Variants in USP32 observed in about 807,000 individuals in gnomAD.
USP32 encodes the protein ubiquitin specific peptidase 32.
In USP32, 59 loss-of-function variants were observed where a neutral mutation model predicts 204.8. The ratio of observed to expected loss-of-function variants is 0.29; its 90% CI spans 0.23 to 0.36. The LOEUF is 0.36. Ranked by LOEUF, USP32 falls within the 10% of genes least tolerant of loss-of-function variation. The probability of loss-of-function intolerance (pLI) is 1.00; values close to 1 mark genes in which losing one functional copy is unlikely to be tolerated. For synonymous variants in USP32, 517 were observed against 678.4 expected, an observed-to-expected ratio of 0.76 and a Z score of 3.70; for missense variants, 1,160 against 1,946.4, an observed-to-expected ratio of 0.60 and a Z score of 7.60.
At chr17:60,234,262 T>C (rs1344207747) in intron 12 of USP32, among the ~76,000 whole-genome samples, 6 of 151,530 alleles carry the variant, frequency 4.0e-5, no homozygotes, top group Non-Finnish European at 2.9e-5. Context: ...CATAGGCGCC[T>C]GCCACCATGC....
chr17:60,359,991 C>G (rs957347679), intron 1 of USP32, among the ~76,000 whole-genome samples: 77 of 152,056 alleles, frequency 5.1e-4, no homozygotes, highest in South Asian at 4.2e-4. Context: ...CCTCAGCCCC[C>G]CGAGTAGCTG....
intron 1 of USP32, among the ~76,000 whole-genome samples, chr17:60,370,639 C>CA (rs1298366818): frequency 6.6e-6 from 1 of 151,590 alleles, no homozygotes; most frequent in Non-Finnish European, 1.5e-5. Context: ...TGGTGGTGCC[C>CA]ACCCAACCAC....
intron 5 of USP32, among the ~76,000 whole-genome samples, chr17:60,274,856 T>C (rs1430565825): frequency 3.9e-5 from 6 of 152,214 alleles, no homozygotes; most frequent in African/African-American, 1.4e-4. Flanking sequence ...TACTTCCCCA[T>C]GATCCTGCAT....
intron 4 of USP32, 44 bp from the exon 5 acceptor site, chr17:60,288,726 G>A: frequency 3.2e-6 from 5 of 1,549,864 alleles, no homozygotes; most frequent in Non-Finnish European, 4.4e-6. Context: ...AAATTTTAAG[G>A]TATCTTACTT....
intron 26 of USP32, among the ~76,000 whole-genome samples, chr17:60,198,895 C>T (rs940016616): frequency 6.6e-6 from 1 of 152,188 alleles, no homozygotes; most frequent in Non-Finnish European, 1.5e-5. Flanking sequence ...AAGAGGATCC[C>T]TTGAGCCCAG....
chr17:60,291,759 A>G (rs1419112546), intron 4 of USP32, among the ~76,000 whole-genome samples: 1 of 152,158 alleles, frequency 6.6e-6, no homozygotes, highest in Admixed American at 6.6e-5. Context: ...TTTTATACCA[A>G]CTAGAGGTAT....
At chr17:60,402,911 G>A (rs1000188343) in intron 1 of USP32, among the ~76,000 whole-genome samples, 8 of 152,146 alleles carry the variant, frequency 5.3e-5, no homozygotes, top group African/African-American at 1.9e-4. Context: ...ACAGCCCACT[G>A]TGCTTCCTCT....
intron 2 of USP32, among the ~76,000 whole-genome samples, chr17:60,306,928 T>C (rs1427867253): frequency 1.3e-5 from 2 of 151,938 alleles, no homozygotes; most frequent in African/African-American, 4.8e-5. Context: ...GTAATCCAAG[T>C]TAAAATAGCT....
intron 11 of USP32, among the ~76,000 whole-genome samples, chr17:60,247,996 TG>T (rs1387803382): frequency 1.3e-5 from 2 of 152,342 alleles, no homozygotes; most frequent in East Asian, 3.9e-4. Flanking sequence ...GATTTATTTC[TG>T]GGTTCTCTGT....
chr17:60,211,275 T>C, intron 20 of USP32, 101 bp downstream of exon 20: 1 of 1,523,342 alleles, frequency 6.6e-7, no homozygotes, highest in Non-Finnish European at 8.8e-7. Context: ...GCAAATAAGA[T>C]AAAATCTTTC....
At chr17:60,193,949 T>C (rs16944169) in intron 27 of USP32, among the ~76,000 whole-genome samples, 6,042 of 152,292 alleles carry the variant, frequency 0.04, 442 homozygotes, top group African/African-American at 0.14. Context: ...CATAGAAAGC[T>C]GTGCAGCACT....
intron 9 of USP32, among the ~76,000 whole-genome samples, chr17:60,255,531 C>G (rs760802270): frequency 6.6e-6 from 1 of 152,144 alleles, no homozygotes. Flanking sequence ...AACTCCTGAC[C>G]TCGTGATCCA....
At chr17:60,279,159 T>C (rs1341640208) in intron 5 of USP32, among the ~76,000 whole-genome samples, 1 of 152,176 alleles carries the variant, frequency 6.6e-6, no homozygotes, top group African/African-American at 2.4e-5. Flanking sequence ...ACATCATATC[T>C]GTCCTCCTGT....
chr17:60,392,976 A>G (rs777088913), upstream of USP32, among the ~76,000 whole-genome samples: 1 of 152,124 alleles, frequency 6.6e-6, no homozygotes, highest in Non-Finnish European at 1.5e-5. Context: ...AAATATACGT[A>G]ACAAAATGTA....
intron 11 of USP32, among the ~76,000 whole-genome samples, chr17:60,236,906 T>C (rs1403962281): frequency 1.3e-5 from 2 of 152,250 alleles, no homozygotes; most frequent in Non-Finnish European, 2.9e-5. Context: ...CATCTATTAT[T>C]GTGGCAGACA....
In USP32 at chr17:60,328,893, A is replaced by G. The variant is rs1158152175; in HGVS notation, c.186+16588T>C. Among the ~76,000 whole-genome samples, 3 of 152,258 alleles carry G rather than the reference A, an allele frequency of 2.0e-5. No homozygotes were observed. The East Asian group carries it at 5.8e-4, about 29-fold the overall frequency. On this transcript the variant is annotated intron_variant, in intron 2 of 33. Coordinates refer to ENST00000300896, the MANE Select transcript of USP32 (RefSeq NM_032582.4). ...GCAGCAGCCAGTGTGTCTTGACTGCACACTGGCTGTACCCCACTCTAGCTC... is the reference window on the plus strand; with the variant it reads ...GCAGCAGCCAGTGTGTCTTGACTGCGCACTGGCTGTACCCCACTCTAGCTC...
chr17:60,372,845 T>TAAAAAAAAAAA (rs746725190), intron 1 of USP32, among the ~76,000 whole-genome samples: 1 of 88,386 alleles, frequency 1.1e-5, no homozygotes. Flanking sequence ...AGACCCTGTC[T>TAAAAAAAAAAA]AAAAAAAAAA....
intron 2 of USP32, among the ~76,000 whole-genome samples, chr17:60,318,222 T>G (rs764970121): frequency 3.6e-4 from 55 of 152,208 alleles, no homozygotes; most frequent in Non-Finnish European, 4.0e-4. Context: ...CTATTTAAAC[T>G]GCAGTTTCCT....
At chr17:60,199,707 T>C (rs1187867929) in intron 26 of USP32, among the ~76,000 whole-genome samples, 1 of 152,232 alleles carries the variant, frequency 6.6e-6, no homozygotes, top group Non-Finnish European at 1.5e-5. Context: ...CTCTATTTCA[T>C]ATGTTACTAT....
Sources: allele counts gnomAD v4.1 joint callset (sites outside exome capture counted in the v4.1 genomes callset), GRCh38; gene constraint gnomAD v4.1.1; transcripts MANE v1.5; gene names NCBI Gene and HGNC (gene_info 2026-07-23, HGNC 2026-07-21).